PRMT8: variants seen among roughly 807,000 people sequenced by gnomAD.
The protein encoded by PRMT8 is protein arginine N-methyltransferase 8.
In PRMT8, 7 loss-of-function variants were observed where a neutral mutation model predicts 47.1. The observed-to-expected ratio is 0.15, with a 90% CI of 0.08 to 0.28. PRMT8 has a LOEUF of 0.28. Ranked by LOEUF, PRMT8 falls within the 10% of genes least tolerant of loss-of-function variation. The pLI is 1.00. For missense variants in PRMT8, 237 were observed against 505.4 expected (o/e 0.47, Z 5.09); for synonymous variants, 188 against 186.5 (o/e 1.01, Z -0.07).
At chr12:3,558,200 C>A (rs1378715396) in intron 4 of PRMT8, among the ~76,000 whole-genome samples, 1 of 152,028 alleles carries the variant, frequency 6.6e-6, no homozygotes, top group Non-Finnish European at 1.5e-5. Context: ...CCCTCATCAT[C>A]CTGCTCTGTC....
chr12:3,437,170 T>A (rs1478322604), intron 1 of PRMT8, among the ~76,000 whole-genome samples: 1 of 152,158 alleles, frequency 6.6e-6, no homozygotes, highest in Non-Finnish European at 1.5e-5. Context: ...TAGAAACTTA[T>A]CACATACACA....
At chr12:3,488,549 T>C (rs1865343537), upstream of PRMT8, among the ~76,000 whole-genome samples, 1 of 152,210 alleles carries the variant, frequency 6.6e-6, no homozygotes, top group Admixed American at 6.5e-5. Flanking sequence ...GATCTGTACC[T>C]GTAAAAGCAT....
chr12:3,540,613 G>GGCCCCCCCCCCCCCCCCCCC lies in PRMT8; in HGVS notation c.83_84insGCCCCCCCCCCCCCCCCCCC (p.Ser28ArgfsTer45). The GGCCCCCCCCCCCCCCCCCCC allele has an allele frequency of 8.8e-7, 1 of 1,130,522 alleles. No homozygotes were observed. Among genetic ancestry groups the GGCCCCCCCCCCCCCCCCCCC allele is most frequent in the Non-Finnish European group, 1.3e-6 (1 of 752,492 alleles). The allele number at this position is 1,130,522 out of a possible 1,614,324, so 70.0% of individuals were successfully genotyped here. A position where few individuals can be genotyped will look rare whatever the true frequency, so the allele number is the denominator to read the frequency against. ...CCCTTCTCTTCCCCTCAGGTGAACAGCCCCCCCTCCCAGCCCCCCCAGCCC... is the reference window on the plus strand; with the variant it reads ...CCCTTCTCTTCCCCTCAGGTGAACAGGCCCCCCCCCCCCCCCCCCCCCCCCCCTCCCAGCCCCCCCAGCCC... On this transcript the variant is annotated frameshift_variant, in exon 2 of 10. Coordinates refer to ENST00000382622, the MANE Select transcript of PRMT8 (RefSeq NM_019854.5). LOFTEE classifies it high-confidence loss of function.
In PRMT8 at chr12:3,538,432, C is replaced by T. The variant is rs947949096; in HGVS notation, c.76-2174C>T. 3 of 350,470 alleles carry T rather than the reference C, an allele frequency of 8.6e-6. No individual in the cohort carries two copies. The highest frequency in any genetic ancestry group is 2.2e-5 in the South Asian group (1 of 45,430). 21.7% of individuals were successfully genotyped at this position (350,470 alleles called of 1,614,324 possible). A position where few individuals can be genotyped will look rare whatever the true frequency, so the allele number is the denominator to read the frequency against. On this transcript the variant is annotated intron_variant, in intron 1 of 9. Coordinates refer to ENST00000382622, the MANE Select transcript of PRMT8 (RefSeq NM_019854.5). The surrounding 1 kb of genome is among the most constrained non-coding windows in gnomAD (Gnocchi z 4.6). Reference sequence around the variant, plus strand: ...GGCAGTTGTGGAATTAAAAGCAACACCCCATGTCGCTGAATGTTCAGGGAT... The same window carrying T: ...GGCAGTTGTGGAATTAAAAGCAACATCCCATGTCGCTGAATGTTCAGGGAT...
intron 1 of PRMT8, among the ~76,000 whole-genome samples, chr12:3,428,677 T>C (rs929190837): frequency 2.6e-5 from 4 of 152,132 alleles, no homozygotes; most frequent in Non-Finnish European, 4.4e-5. Context: ...TATATTTCTC[T>C]CTTTCTGTAT....
chr12:3,551,548 C>A (rs549798262), intron 3 of PRMT8: 2 of 152,388 alleles, frequency 1.3e-5, no homozygotes, highest in Admixed American at 6.5e-5. Context: ...GTGTCCCTGG[C>A]GCCTGAGTCA....
At chr12:3,505,198 G>C (rs1388065901) in intron 1 of PRMT8, among the ~76,000 whole-genome samples, 1 of 152,072 alleles carries the variant, frequency 6.6e-6, no homozygotes, top group Non-Finnish European at 1.5e-5. Flanking sequence ...GACCGGAGCT[G>C]TTCCTATTCG....
intron 7 of PRMT8, among the ~76,000 whole-genome samples, chr12:3,581,929 G>T (rs1441189961): frequency 6.6e-6 from 1 of 152,216 alleles, no homozygotes; most frequent in Non-Finnish European, 1.5e-5. Context: ...TGAGACAAAA[G>T]CCATTTCATC....
At chr12:3,468,096 T>C (rs1865121519) in intron 1 of PRMT8, among the ~76,000 whole-genome samples, 1 of 152,200 alleles carries the variant, frequency 6.6e-6, no homozygotes, top group Non-Finnish European at 1.5e-5. Flanking sequence ...AAAGGAAGAA[T>C]GTCCAGCAGT....
chr12:3,457,087 G>T (rs1343787466), intron 1 of PRMT8, among the ~76,000 whole-genome samples: 1 of 152,090 alleles, frequency 6.6e-6, no homozygotes, highest in African/African-American at 2.4e-5. Context: ...GTTTTGTTTT[G>T]TTTGCAGAGG....
intron 1 of PRMT8, among the ~76,000 whole-genome samples, chr12:3,511,710 C>T (rs1299873600): frequency 1.3e-5 from 2 of 152,198 alleles, no homozygotes; most frequent in African/African-American, 2.4e-5. Context: ...AATCCAGTCC[C>T]AGGCAGCTGT....
At position 3,525,185 on chromosome 12, in the gene PRMT8, G is replaced by A. The variant is rs1427018801; in HGVS notation, c.76-15421G>A. On this transcript the variant is annotated intron_variant, in intron 1 of 9. Coordinates refer to ENST00000382622, the MANE Select transcript of PRMT8 (RefSeq NM_019854.5). Reference sequence around the variant, plus strand: ...TGCAGTGAGCCAAGACCATGCCCTCGCACTCCGGCCTGGGTGGCAGAGTGA... The same window carrying A: ...TGCAGTGAGCCAAGACCATGCCCTCACACTCCGGCCTGGGTGGCAGAGTGA... 3.9e-5 allele frequency among the ~76,000 whole-genome samples: 6 copies of A among 152,072 alleles called. No individual in the cohort carries two copies. The East Asian group carries it at 5.8e-4, about 15-fold the overall frequency.
At position 3,453,840 on chromosome 12, in the gene PRMT8, C is replaced by A. The variant is rs1374561371; in HGVS notation, c.48+72398C>A. Among the ~76,000 whole-genome samples, 1 of 152,166 alleles carries A rather than the reference C, an allele frequency of 6.6e-6. No individual in the cohort carries two copies. Among genetic ancestry groups the A allele is most frequent in the East Asian group, 1.9e-4 (1 of 5,178 alleles). ...TGCTATGCTAGGTCTGGGCTTCCGA[C>A]GCCGGCCCTGCTCCGGCGATTGAAA... On this transcript the variant is annotated intron_variant, in intron 1 of 9. Transcript: ENST00000452611. The surrounding 1 kb of genome is among the most constrained non-coding windows in gnomAD (Gnocchi z 4.9).
At chr12:3,469,860 G>A (rs989639021) in intron 1 of PRMT8, among the ~76,000 whole-genome samples, 11 of 152,172 alleles carry the variant, frequency 7.2e-5, no homozygotes, top group Non-Finnish European at 1.0e-4. Flanking sequence ...GGGCTCTGTC[G>A]GCCTCCATGT....
intron 1 of PRMT8, among the ~76,000 whole-genome samples, chr12:3,526,243 C>T (rs1239352456): frequency 6.6e-6 from 1 of 151,908 alleles, no homozygotes; most frequent in Non-Finnish European, 1.5e-5. Flanking sequence ...GTGTGTATAC[C>T]ATATTTTATC....
chr12:3,441,514 G>A (rs74057408), intron 1 of PRMT8, among the ~76,000 whole-genome samples: 21 of 151,132 alleles, frequency 1.4e-4, no homozygotes, highest in Non-Finnish European at 2.9e-4. Context: ...AAGGCCACCT[G>A]TAACCTTTGG....
intron 1 of PRMT8, among the ~76,000 whole-genome samples, chr12:3,408,271 T>C (rs1864393041): frequency 6.6e-6 from 1 of 151,744 alleles, no homozygotes; most frequent in Non-Finnish European, 1.5e-5. Context: ...TCTAACTCTT[T>C]TGCCCAGGCT....
chr12:3,461,452 T>C (rs144257675), intron 1 of PRMT8, among the ~76,000 whole-genome samples: 125 of 152,326 alleles, frequency 8.2e-4, no homozygotes, highest in Middle Eastern at 3.4e-3. Flanking sequence ...CCTTGGGCAC[T>C]TAAGTTGGGC....
At chr12:3,454,022 A>T (rs1487534260) in intron 1 of PRMT8, among the ~76,000 whole-genome samples, 1 of 152,178 alleles carries the variant, frequency 6.6e-6, no homozygotes, top group Non-Finnish European at 1.5e-5. Flanking sequence ...AAGGCCAGGC[A>T]CAGCAATGCG....
Sources: gnomAD v4.1 joint callset for allele counts (sites outside exome capture counted in the v4.1 genomes callset) on GRCh38, gnomAD v4.1.1 for gene constraint, Gnocchi (gnomAD v3.1) non-coding constraint, MANE v1.5 for transcripts, NCBI Gene and HGNC (gene_info 2026-07-23, HGNC 2026-07-21) for gene names.